GPC6: variants seen among roughly 807,000 people sequenced by gnomAD.
The protein encoded by GPC6 is glypican 6.
GPC6 carries 14 observed loss-of-function variants against 55.2 expected under a neutral mutation model. The ratio of observed to expected loss-of-function variants is 0.25; its 90% CI spans 0.17 to 0.40. The LOEUF is 0.40. GPC6 is among the 10% of genes least tolerant of loss of function. The probability of loss-of-function intolerance (pLI) is 1.00; values close to 1 mark genes in which losing one functional copy is unlikely to be tolerated. For synonymous variants in GPC6, 278 were observed against 259.6 expected, an observed-to-expected ratio of 1.07 and a Z score of -0.68; for missense variants, 641 against 708.5, an observed-to-expected ratio of 0.90 and a Z score of 1.08.
chr13:93,904,117 G>A (rs558687076), intron 3 of GPC6, among the ~76,000 whole-genome samples: 4 of 152,110 alleles, frequency 2.6e-5, no homozygotes, highest in Non-Finnish European at 4.4e-5. Flanking sequence ...ACCACAGGAG[G>A]TTTATACAAA....
intron 3 of GPC6, among the ~76,000 whole-genome samples, chr13:93,869,619 C>G (rs939769587): frequency 9.9e-5 from 15 of 151,896 alleles, no homozygotes; most frequent in African/African-American, 3.4e-4. Context: ...CCTGGCCTCA[C>G]ATCCCTATGA....
chr13:93,528,740 T>C (rs1160835426), intron 1 of GPC6, among the ~76,000 whole-genome samples: 1 of 152,216 alleles, frequency 6.6e-6, no homozygotes, highest in Non-Finnish European at 1.5e-5. Flanking sequence ...TGTCTTGAGT[T>C]AGCGATTAGC....
chr13:94,110,078 AAAAG>A (rs1165143481), intron 4 of GPC6, among the ~76,000 whole-genome samples: 1 of 151,416 alleles, frequency 6.6e-6, no homozygotes, highest in African/African-American at 2.4e-5. Flanking sequence ...AAAAAAAAAA[AAAAG>A]AAAAGAAAAA....
At chr13:93,672,713 A>T (rs890550616) in intron 2 of GPC6, among the ~76,000 whole-genome samples, 1 of 151,744 alleles carries the variant, frequency 6.6e-6, no homozygotes, top group East Asian at 1.9e-4. Context: ...TGTTCATTAT[A>T]TGTAAAATTA....
intron 2 of GPC6, among the ~76,000 whole-genome samples, chr13:93,619,127 T>A (rs1047522812): frequency 6.6e-6 from 1 of 152,164 alleles, no homozygotes; most frequent in African/African-American, 2.4e-5. Flanking sequence ...CATTATGTGG[T>A]ACATGACTGT....
intron 4 of GPC6, among the ~76,000 whole-genome samples, chr13:94,051,545 T>G (rs908272936): frequency 6.6e-6 from 1 of 152,204 alleles, no homozygotes; most frequent in Non-Finnish European, 1.5e-5. Context: ...ATGTATTTGT[T>G]TCCAAATTCC....
At chr13:93,601,494 C>T (rs1442221240) in intron 2 of GPC6, among the ~76,000 whole-genome samples, 1 of 152,124 alleles carries the variant, frequency 6.6e-6, no homozygotes, top group Non-Finnish European at 1.5e-5. Context: ...AATGGATTCT[C>T]CTCTGTATAT....
chr13:94,062,905 T>C (rs1884383438), intron 4 of GPC6, among the ~76,000 whole-genome samples: 1 of 152,222 alleles, frequency 6.6e-6, no homozygotes, highest in Non-Finnish European at 1.5e-5. Context: ...CCTACAGTGA[T>C]GGACTAATAT....
intron 2 of GPC6, among the ~76,000 whole-genome samples, chr13:93,624,955 C>T (rs1466865519): frequency 6.6e-6 from 1 of 152,132 alleles, no homozygotes; most frequent in Admixed American, 6.5e-5. Context: ...AAACCAAGCT[C>T]TGAGAGAAAG....
In GPC6 at chr13:93,997,368, C is replaced by A. The variant is rs76199370; in HGVS notation, c.712-30361C>A. 4.4e-3 allele frequency among the ~76,000 whole-genome samples: 671 copies of A among 152,236 alleles called. 9 individuals are homozygous for A. Among genetic ancestry groups the A allele is most frequent in the African/African-American group, 0.016 (644 of 41,538 alleles). ...GGATTACTAGAAGAAATTGGACTTT[C>A]TTCTAAGCATCTTACCCCATTGGCT... On this transcript the variant is annotated intron_variant, in intron 3 of 8. Transcript: ENST00000377047.
At chr13:94,347,108 TG>T (rs1458584178) in intron 6 of GPC6, among the ~76,000 whole-genome samples, 1 of 152,200 alleles carries the variant, frequency 6.6e-6, no homozygotes, top group African/African-American at 2.4e-5. Context: ...CTCAAGGAAC[TG>T]GGGGTGATGT....
intron 2 of GPC6, among the ~76,000 whole-genome samples, chr13:93,592,760 G>A (rs1474196798): frequency 6.6e-6 from 1 of 151,942 alleles, no homozygotes; most frequent in Non-Finnish European, 1.5e-5. Context: ...TTTAGTAATT[G>A]TTATAAGGAA....
chr13:93,244,059 C>T (rs1876522978), intron 1 of GPC6, among the ~76,000 whole-genome samples: 1 of 152,020 alleles, frequency 6.6e-6, no homozygotes, highest in South Asian at 2.1e-4. Flanking sequence ...TGCTTTGGCT[C>T]CCTAGGTGTG....
intron 7 of GPC6, among the ~76,000 whole-genome samples, chr13:94,383,790 G>A (rs188663546): frequency 1.8e-4 from 28 of 152,212 alleles, no homozygotes; most frequent in Admixed American, 1.8e-3. Context: ...AAAGAGGCTT[G>A]ATTGACCCAC....
intron 4 of GPC6, among the ~76,000 whole-genome samples, chr13:94,209,911 A>G (rs1231425427): frequency 6.6e-6 from 1 of 151,980 alleles, no homozygotes; most frequent in Non-Finnish European, 1.5e-5. Flanking sequence ...AGTGGCACGA[A>G]CACAGCTCAC....
chr13:93,679,639 A>G (rs1881774954), intron 2 of GPC6, among the ~76,000 whole-genome samples: 1 of 152,128 alleles, frequency 6.6e-6, no homozygotes, highest in Admixed American at 6.6e-5. Flanking sequence ...ATTTCATCAC[A>G]AACAGTGTAT....
intron 6 of GPC6, among the ~76,000 whole-genome samples, chr13:94,349,510 C>A (rs371526486): frequency 2.6e-5 from 4 of 152,186 alleles, no homozygotes; most frequent in East Asian, 3.8e-4. Flanking sequence ...TTAAACCCCA[C>A]CTTCATAGCA....
rs538182302 is a variant in GPC6 at position 93,240,032 on chromosome 13, A to G, written c.160+12416A>G. Among the ~76,000 whole-genome samples the G allele has an allele frequency of 4.2e-4, 64 of 152,144 alleles. 1 individual carries two copies. The highest frequency in any genetic ancestry group is 2.7e-3 in the South Asian group (13 of 4,822). ...TTTTTCTTTTTAAAAATTTATTGGA[A>G]CTTGTTTTGTGGCCTATTGTATGGT... On this transcript the variant is annotated intron_variant, in intron 1 of 8. Transcript: ENST00000377047.
intron 1 of GPC6, among the ~76,000 whole-genome samples, chr13:93,270,390 T>C (rs1475827346): frequency 6.6e-6 from 1 of 152,116 alleles, no homozygotes; most frequent in Non-Finnish European, 1.5e-5. Flanking sequence ...ATTACATATG[T>C]ATATCTTTAT....
Sources: gnomAD v4.1 joint callset for allele counts (sites outside exome capture counted in the v4.1 genomes callset) on GRCh38, gnomAD v4.1.1 for gene constraint, MANE v1.5 for transcripts, NCBI Gene and HGNC (gene_info 2026-07-23, HGNC 2026-07-21) for gene names.